FAM227A: variants seen among roughly 807,000 people sequenced by gnomAD.
FAM227A encodes the protein family with sequence similarity 227 member A.
In FAM227A, 80 loss-of-function variants were observed where a neutral mutation model predicts 74.7. That is an observed-to-expected ratio of 1.07 (90% CI 0.89 to 1.29). The LOEUF is 1.29. Ranked by LOEUF, FAM227A falls within the 50% of genes most tolerant of loss-of-function variation. The probability of loss-of-function intolerance (pLI) is 0.00; values close to 1 mark genes in which losing one functional copy is unlikely to be tolerated. For synonymous variants in FAM227A, 237 were observed against 241.8 expected (o/e 0.98, Z 0.19); for missense variants, 654 against 683.4 (o/e 0.96, Z 0.48).
intron 3 of FAM227A, among the ~76,000 whole-genome samples, chr22:38,645,118 G>A (rs1358466218): frequency 2.6e-5 from 4 of 151,730 alleles, no homozygotes; most frequent in Admixed American, 6.6e-5. Flanking sequence ...TTGGCCGGGC[G>A]CGGTGGCTCA....
intron 6 of FAM227A, among the ~76,000 whole-genome samples, chr22:38,629,401 T>C (rs1257637684): frequency 6.6e-6 from 1 of 152,260 alleles, no homozygotes; most frequent in African/African-American, 2.4e-5. Flanking sequence ...GTCATACAAC[T>C]GGGTCTTCAC....
At chr22:38,608,155 CAAAA>C (rs35387385) in intron 11 of FAM227A, among the ~76,000 whole-genome samples, 1 of 76,924 alleles carries the variant, frequency 1.3e-5, no homozygotes, top group African/African-American at 4.7e-5. Context: ...CTTTTCTCTA[CAAAA>C]AAAAAAAAAA....
chr22:38,640,313 G>C (rs954938409), intron 3 of FAM227A, among the ~76,000 whole-genome samples: 1 of 152,118 alleles, frequency 6.6e-6, no homozygotes, highest in African/African-American at 2.4e-5. Flanking sequence ...GATTACAGGT[G>C]TGAGCCACCA....
intron 6 of FAM227A, among the ~76,000 whole-genome samples, chr22:38,631,514 C>CA (rs1365837561): frequency 6.6e-6 from 1 of 152,130 alleles, no homozygotes; most frequent in Non-Finnish European, 1.5e-5. Context: ...CACACACATG[C>CA]ACAGGTACCC....
chr22:38,619,044 G>T (rs191646785), intron 11 of FAM227A, among the ~76,000 whole-genome samples: 1 of 152,176 alleles, frequency 6.6e-6, no homozygotes, highest in Admixed American at 6.5e-5. Flanking sequence ...GGACTTGGGG[G>T]TTGGGAGGAA....
chr22:38,652,677 G>C (rs1467552025), intron 1 of FAM227A, among the ~76,000 whole-genome samples: 2 of 151,248 alleles, frequency 1.3e-5, no homozygotes, highest in African/African-American at 2.4e-5. Flanking sequence ...ACGAGGTCAG[G>C]AGATCGAGAC....
rs939302636 is a variant in FAM227A at position 38,626,305 on chromosome 22, T to C, written c.727-2A>G. 3 of 1,550,552 alleles carry C rather than the reference T, an allele frequency of 1.9e-6. No homozygotes were observed. Among genetic ancestry groups the C allele is most frequent in the African/African-American group, 2.7e-5 (2 of 73,010 alleles). ...TTTGCTGAGAAGTGATGGCAGCCTC[T>C]GCGGAGCAAGCCGAGCTCAGGCAAC... On this transcript the variant is annotated splice_acceptor_variant, in intron 8 of 16. Transcript: ENST00000535113. LOFTEE classifies it high-confidence loss of function.
chr22:38,596,275 C>T, intron 15 of FAM227A, among the ~76,000 whole-genome samples: 1 of 152,084 alleles, frequency 6.6e-6, no homozygotes, highest in Non-Finnish European at 1.5e-5. Flanking sequence ...GAGCCAAGAT[C>T]ACACCACTGC....
In FAM227A at chr22:38,636,483, C is replaced by T; in HGVS notation, c.487G>A (p.Val163Ile). The T allele has an allele frequency of 6.4e-7, 1 of 1,551,522 alleles. No homozygotes were observed. Among genetic ancestry groups the T allele is most frequent in the African/African-American group, 1.4e-5 (1 of 73,148 alleles). ...CTAAGGCAGTCTCTCTCAGCCCGGA[C>T]CACGTTGCCCACCATGTCACAGAAG... is the stretch of plus-strand genomic sequence containing the variant. Reference protein sequence around the residue: ...VDFCDMVGNVVRAERDCLSGK... With the variant: ...VDFCDMVGNVIRAERDCLSGK... The change falls in exon 6 of 17, where the codon GTC becomes ATC. Residue 163 changes from valine to isoleucine, a missense_variant. Coordinates refer to ENST00000535113, the MANE Select transcript of FAM227A (RefSeq NM_001013647.2).
intron 10 of FAM227A, among the ~76,000 whole-genome samples, chr22:38,620,731 C>T (rs1307303175): frequency 3.3e-5 from 5 of 151,428 alleles, no homozygotes; most frequent in Non-Finnish European, 5.9e-5. Context: ...ATAGTGTGAT[C>T]CTGGGAGGTG....
intron 1 of FAM227A, among the ~76,000 whole-genome samples, chr22:38,651,495 C>T (rs1056086553): frequency 1.3e-5 from 2 of 152,000 alleles, no homozygotes; most frequent in African/African-American, 2.4e-5. Flanking sequence ...CGTGTAGCTG[C>T]GACTACAGGT....
Position 38,585,645 on chromosome 22 carries a change from G to T in FAM227A, c.*480C>A, listed in dbSNP as rs1768457254. The T allele has an allele frequency of 1.2e-5, 2 of 169,372 alleles. No individual in the cohort carries two copies. The highest frequency in any genetic ancestry group is 1.6e-4 in the South Asian group (1 of 6,338). The allele number at this position is 169,372 out of a possible 1,614,324, so 10.5% of individuals were successfully genotyped here. A position where few individuals can be genotyped will look rare whatever the true frequency, so the allele number is the denominator to read the frequency against. On this transcript the variant is annotated 3_prime_UTR_variant, in exon 17 of 17. Coordinates refer to ENST00000535113, the MANE Select transcript of FAM227A (RefSeq NM_001013647.2). Reference sequence around the variant, plus strand: ...CTTTTTCCTCTGTCCAATACTTACAGCATTTAATGTGTTGATACATCTGTC... The same window carrying T: ...CTTTTTCCTCTGTCCAATACTTACATCATTTAATGTGTTGATACATCTGTC...
intron 2 of FAM227A, among the ~76,000 whole-genome samples, chr22:38,647,890 G>T (rs745813184): frequency 7.2e-5 from 11 of 152,156 alleles, no homozygotes; most frequent in Non-Finnish European, 1.5e-4. Context: ...TAAGAAGAAA[G>T]AGGGGACATT....
intron 11 of FAM227A, among the ~76,000 whole-genome samples, chr22:38,613,298 T>TATATAAAAC (rs2091484704): frequency 1.3e-5 from 1 of 77,786 alleles, no homozygotes; most frequent in Non-Finnish European, 2.2e-5. Flanking sequence ...ATATATATCA[T>TATATAAAAC]ATATAATATA....
At chr22:38,600,950 C>CA (rs1175644017) in intron 13 of FAM227A, among the ~76,000 whole-genome samples, 8,489 of 76,478 alleles carry the variant, frequency 0.11, 376 homozygotes, top group African/African-American at 0.18. Context: ...GACTCCGTCT[C>CA]AAAAAAAAAA....
chr22:38,623,133 A>G (rs1047190861), intron 10 of FAM227A, 39 bp downstream of exon 10: 41 of 1,345,680 alleles, frequency 3.0e-5, no homozygotes, highest in Non-Finnish European at 4.0e-5. Flanking sequence ...TGAGTATGGC[A>G]GTGGCAAAGA....
chr22:38,596,175 G>A (rs2091040996), intron 15 of FAM227A, among the ~76,000 whole-genome samples: 1 of 152,080 alleles, frequency 6.6e-6, no homozygotes, highest in East Asian at 1.9e-4. Context: ...ACAAAAATTA[G>A]CCGGGCATGG....
chr22:38,625,497 G>A (rs1056696731), intron 9 of FAM227A, among the ~76,000 whole-genome samples: 5 of 152,062 alleles, frequency 3.3e-5, no homozygotes, highest in Admixed American at 3.3e-4. Context: ...GAGGGTAGAA[G>A]GGTGGGATGA....
At chr22:38,612,849 A>G (rs112371589) in intron 11 of FAM227A, among the ~76,000 whole-genome samples, 8 of 151,234 alleles carry the variant, frequency 5.3e-5, no homozygotes, top group South Asian at 4.1e-4. Flanking sequence ...CATTCTTGGC[A>G]GCATGGCCTC....
Sources: gnomAD v4.1 joint callset for allele counts (sites outside exome capture counted in the v4.1 genomes callset) on GRCh38, gnomAD v4.1.1 for gene constraint, MANE v1.5 for transcripts, NCBI Gene and HGNC (gene_info 2026-07-23, HGNC 2026-07-21) for gene names.